Variants in CACNA2D1 observed in about 807,000 individuals in gnomAD.
CACNA2D1 encodes the protein voltage-dependent calcium channel subunit alpha-2/delta-1.
A neutral mutation model predicts 171.5 loss-of-function variants in CACNA2D1; 53 were observed. The observed-to-expected ratio is 0.31, with a 90% CI of 0.25 to 0.39. The LOEUF (loss-of-function observed/expected upper bound fraction) is 0.39, where lower values mean the gene tolerates loss of function less well. Ranked by LOEUF, CACNA2D1 falls within the 10% of genes least tolerant of loss-of-function variation. The pLI, the probability that CACNA2D1 is intolerant of heterozygous loss-of-function variation, is 1.00. For missense variants in CACNA2D1, 903 were observed against 1,299.8 expected (o/e 0.69, Z 4.69); for synonymous variants, 442 against 443.1 (o/e 1.00, Z 0.03).
At chr7:82,404,925 G>A (rs554405339) in intron 1 of CACNA2D1, among the ~76,000 whole-genome samples, 2 of 152,194 alleles carry the variant, frequency 1.3e-5, no homozygotes, top group South Asian at 2.1e-4. Flanking sequence ...GGGACAGTGC[G>A]TAGAGTTTGA....
At chr7:82,068,601 C>T (rs1387503236) in intron 7 of CACNA2D1, among the ~76,000 whole-genome samples, 1 of 151,934 alleles carries the variant, frequency 6.6e-6, no homozygotes, top group Non-Finnish European at 1.5e-5. Context: ...AATAAATTTT[C>T]CTTGTTCAAA....
intron 3 of CACNA2D1, among the ~76,000 whole-genome samples, chr7:82,231,997 A>G (rs1294692189): frequency 6.6e-6 from 1 of 152,076 alleles, no homozygotes; most frequent in Non-Finnish European, 1.5e-5. Flanking sequence ...CTGTCATTCT[A>G]TTTTATTACT....
At chr7:82,285,963 T>C (rs1487077641) in intron 3 of CACNA2D1, among the ~76,000 whole-genome samples, 1 of 152,224 alleles carries the variant, frequency 6.6e-6, no homozygotes, top group Admixed American at 6.5e-5. Context: ...GAATTACTCC[T>C]GAGGAACTGA....
chr7:82,064,268 T>C (rs1231940870), intron 9 of CACNA2D1, 36 bp downstream of exon 9: 2 of 1,390,054 alleles, frequency 1.4e-6, no homozygotes, highest in Non-Finnish European at 2.0e-6. Context: ...CCTCCCATAT[T>C]CTCAATATAT....
chr7:82,414,914 A>T (rs903636447), intron 1 of CACNA2D1, among the ~76,000 whole-genome samples: 2 of 152,220 alleles, frequency 1.3e-5, no homozygotes, highest in Non-Finnish European at 2.9e-5. Context: ...ATATTAACAA[A>T]TTCATATTAT....
intron 12 of CACNA2D1, among the ~76,000 whole-genome samples, chr7:82,016,136 G>A (rs1800415370): frequency 6.6e-6 from 1 of 152,036 alleles, no homozygotes; most frequent in South Asian, 2.1e-4. Context: ...TAATTCATCA[G>A]TTAGGTCATT....
intron 3 of CACNA2D1, among the ~76,000 whole-genome samples, chr7:82,329,390 G>GA (rs1283201187): frequency 6.6e-6 from 1 of 152,112 alleles, no homozygotes; most frequent in Admixed American, 6.6e-5. Context: ...AATGTCACCA[G>GA]AAAAATTTGT....
At position 82,165,357 on chromosome 7, in the gene CACNA2D1, C is replaced by A. The variant is rs555344978; in HGVS notation, c.354+5193G>T. 3.5e-4 allele frequency among the ~76,000 whole-genome samples: 53 copies of A among 152,030 alleles called. 1 individual carries two copies. The highest frequency in any genetic ancestry group is 4.6e-4 in the Admixed American group (7 of 15,202). On this transcript the variant is annotated intron_variant, in intron 4 of 38. Coordinates refer to ENST00000356860, the MANE Select transcript of CACNA2D1 (RefSeq NM_000722.4). ...CCACTGTACTATCACGTACTATTGT[C>A]ATTTTGGCTTTAATAGAAATGGAAA... is the stretch of plus-strand genomic sequence containing the variant.
At chr7:82,337,527 T>A (rs2129444609) in intron 2 of CACNA2D1, among the ~76,000 whole-genome samples, 1 of 152,342 alleles carries the variant, frequency 6.6e-6, no homozygotes, top group Admixed American at 6.5e-5. Context: ...CTACAATATT[T>A]CATATATTAA....
At chr7:82,424,103 GA>G (rs1309610572) in intron 1 of CACNA2D1, among the ~76,000 whole-genome samples, 1 of 152,096 alleles carries the variant, frequency 6.6e-6, no homozygotes, top group Non-Finnish European at 1.5e-5. Flanking sequence ...CAGTTAGTGT[GA>G]AAAGCACTAA....
chr7:82,340,127 A>G (rs1003237649), intron 2 of CACNA2D1, among the ~76,000 whole-genome samples: 2 of 152,170 alleles, frequency 1.3e-5, no homozygotes, highest in Non-Finnish European at 2.9e-5. Flanking sequence ...TTTTAAACCA[A>G]TAAGTTTTTA....
chr7:82,401,115 A>C (rs1345202111), intron 1 of CACNA2D1, among the ~76,000 whole-genome samples: 2 of 152,178 alleles, frequency 1.3e-5, no homozygotes, highest in East Asian at 3.9e-4. Context: ...GTGGGACTGT[A>C]AACTAGTTCA....
At chr7:82,309,900 T>G (rs923927679) in intron 3 of CACNA2D1, among the ~76,000 whole-genome samples, 1 of 152,196 alleles carries the variant, frequency 6.6e-6, no homozygotes, top group Admixed American at 6.6e-5. Flanking sequence ...CAAGGGTACC[T>G]GTGTCATAGT....
At chr7:82,297,004 G>A (rs989659382) in intron 3 of CACNA2D1, among the ~76,000 whole-genome samples, 1 of 148,038 alleles carries the variant, frequency 6.8e-6, no homozygotes, top group African/African-American at 2.6e-5. Flanking sequence ...GGAGGCGGAG[G>A]TGGGAAGATC....
At chr7:82,160,251 G>C (rs55839057) in intron 4 of CACNA2D1, among the ~76,000 whole-genome samples, 57,125 of 151,144 alleles carry the variant, frequency 0.38, 10,786 homozygotes, top group Middle Eastern at 0.45. Flanking sequence ...GAAAAGGCCA[G>C]ATATTCTTAA....
intron 4 of CACNA2D1, among the ~76,000 whole-genome samples, chr7:82,139,362 G>C (rs963378964): frequency 1.3e-5 from 2 of 152,074 alleles, no homozygotes; most frequent in African/African-American, 2.4e-5. Flanking sequence ...TAAGTATTTT[G>C]ATCCTGTTAA....
At chr7:82,102,204 C>CA (rs1812756258) in intron 6 of CACNA2D1, among the ~76,000 whole-genome samples, 3 of 151,598 alleles carry the variant, frequency 2.0e-5, no homozygotes, top group Admixed American at 1.3e-4. Flanking sequence ...TCCTGAAAAT[C>CA]TGATTGAGAA....
intron 1 of CACNA2D1, among the ~76,000 whole-genome samples, chr7:82,386,907 A>C (rs1044353935): frequency 5.9e-5 from 9 of 151,986 alleles, no homozygotes; most frequent in Non-Finnish European, 1.2e-4. Flanking sequence ...AAAATATACT[A>C]TAATAATTTA....
At chr7:82,345,157 CAA>C (rs1819103045) in intron 2 of CACNA2D1, among the ~76,000 whole-genome samples, 1 of 151,868 alleles carries the variant, frequency 6.6e-6, no homozygotes, top group Non-Finnish European at 1.5e-5. Context: ...ACCACAATGT[CAA>C]AGAGTAAGCA....
Sources: allele counts gnomAD v4.1 joint callset (sites outside exome capture counted in the v4.1 genomes callset), GRCh38; gene constraint gnomAD v4.1.1; transcripts MANE v1.5; gene names NCBI Gene and HGNC (gene_info 2026-07-23, HGNC 2026-07-21).